Variants in PIK3CA observed in about 807,000 individuals in gnomAD.
PIK3CA encodes the protein phosphatidylinositol 4,5-bisphosphate 3-kinase catalytic subunit alpha isoform.
PIK3CA carries 27 observed loss-of-function variants against 138.2 expected under a neutral mutation model. The observed-to-expected ratio is 0.20, with a 90% CI of 0.14 to 0.27. The LOEUF (loss-of-function observed/expected upper bound fraction) is 0.27, where lower values mean the gene tolerates loss of function less well. PIK3CA is among the 10% of genes least tolerant of loss of function. The pLI, the probability that PIK3CA is intolerant of heterozygous loss-of-function variation, is 1.00. For missense variants in PIK3CA, 544 were observed against 1,277.4 expected (o/e 0.43, Z 8.75); for synonymous variants, 358 against 413.2 (o/e 0.87, Z 1.62).
intron 1 of PIK3CA, among the ~76,000 whole-genome samples, chr3:179,175,506 A>C (rs1038558170): frequency 3.3e-5 from 5 of 152,002 alleles, no homozygotes; most frequent in African/African-American, 1.2e-4. Flanking sequence ...TTGCAGACTT[A>C]CATTCTTCTC....
At chr3:179,208,055 A>C (rs1724615114) in intron 6 of PIK3CA, among the ~76,000 whole-genome samples, 1 of 152,030 alleles carries the variant, frequency 6.6e-6, no homozygotes, top group South Asian at 2.1e-4. Context: ...GCAATACCCT[A>C]TCTCTAAAAA....
At chr3:179,212,392 C>A (rs185571225) in intron 9 of PIK3CA, among the ~76,000 whole-genome samples, 6 of 148,158 alleles carry the variant, frequency 4.0e-5, no homozygotes, top group Non-Finnish European at 6.0e-5. Flanking sequence ...GGGTGGATCA[C>A]GAGGTCAGGA....
At chr3:179,218,585 C>T (rs1576942569) in intron 10 of PIK3CA, among the ~76,000 whole-genome samples, 1 of 151,926 alleles carries the variant, frequency 6.6e-6, no homozygotes, top group East Asian at 1.9e-4. Context: ...ATATGACTTT[C>T]TTTAGGATTG....
At position 179,201,668 on chromosome 3, in the gene PIK3CA, C is replaced by T. The variant is rs578071467; in HGVS notation, c.813+128C>T. On this transcript the variant is annotated intron_variant, in intron 4 of 20. Coordinates refer to ENST00000263967, the MANE Select transcript of PIK3CA (RefSeq NM_006218.4). ...TCGCCCAGGCTGGAGTGCAGTGGCG[C>T]GATCTCGGCTCACTGCAGGCTCTGC... 13 of 604,150 alleles carry T rather than the reference C, an allele frequency of 2.2e-5. No individual in the cohort carries two copies. The South Asian group carries it at 2.2e-4, about 10-fold the overall frequency. The allele number at this position is 604,150 out of a possible 1,614,324, so 37.4% of individuals were successfully genotyped here.
chr3:179,190,440 G>A (rs1724103763), intron 1 of PIK3CA, among the ~76,000 whole-genome samples: 2 of 151,738 alleles, frequency 1.3e-5, no homozygotes. Context: ...ATAAAAGGCT[G>A]TGGTAACATT....
At chr3:179,151,407 C>T (rs1723010663) in intron 1 of PIK3CA, among the ~76,000 whole-genome samples, 1 of 152,182 alleles carries the variant, frequency 6.6e-6, no homozygotes, top group Non-Finnish European at 1.5e-5. Context: ...TGAAGATCTC[C>T]ATTTCCTATA....
At chr3:179,177,352 G>A (rs186085997) in intron 1 of PIK3CA, among the ~76,000 whole-genome samples, 8 of 132,482 alleles carry the variant, frequency 6.0e-5, no homozygotes, top group Admixed American at 1.8e-4. Flanking sequence ...TCACTCTGTC[G>A]CCCAGGCTGG....
At chr3:179,203,859 A>T in intron 5 of PIK3CA, 70 bp downstream of exon 5, 4 of 1,085,006 alleles carry the variant, frequency 3.7e-6, no homozygotes, top group Non-Finnish European at 5.3e-6. Flanking sequence ...TGCACTATAC[A>T]GTAATCTGTT....
Position 179,167,580 on chromosome 3 carries a change from A to G in PIK3CA, c.-77+18977A>G, listed in dbSNP as rs142471387. On this transcript the variant is annotated intron_variant, in intron 1 of 20. Coordinates refer to ENST00000263967, the MANE Select transcript of PIK3CA (RefSeq NM_006218.4). ...AACATTTGCATTCTGTTCTATAACC[A>G]TATTTAAATCCTCTTTCTTTTTAAC... Among the ~76,000 whole-genome samples, 18 of 152,246 alleles carry G rather than the reference A, an allele frequency of 1.2e-4. No individual in the cohort carries two copies. In the East Asian group the frequency reaches 2.5e-3, roughly 21 times the overall value.
chr3:179,203,812 A>T, intron 5 of PIK3CA, 23 bp downstream of exon 5: 1 of 1,531,050 alleles, frequency 6.5e-7, no homozygotes. Context: ...GCTGATGCTT[A>T]TTATTTTATA....
chr3:179,202,752 T>G (rs79942997), intron 4 of PIK3CA, among the ~76,000 whole-genome samples: 1 of 152,156 alleles, frequency 6.6e-6, no homozygotes, highest in Non-Finnish European at 1.5e-5. Flanking sequence ...CTATTTGTGG[T>G]TTTTTGTTTT....
chr3:179,214,960 C>T (rs1724804409), intron 9 of PIK3CA, among the ~76,000 whole-genome samples: 1 of 152,160 alleles, frequency 6.6e-6, no homozygotes, highest in Non-Finnish European at 1.5e-5. Context: ...TTCTCAAGGG[C>T]AAAGATGTCA....
intron 1 of PIK3CA, among the ~76,000 whole-genome samples, chr3:179,166,903 T>C (rs1351782587): frequency 4.6e-5 from 7 of 152,166 alleles, no homozygotes; most frequent in South Asian, 2.1e-4. Context: ...CAATGAAATA[T>C]TTAGTAGCAA....
chr3:179,194,512 C>T (rs183036912), intron 1 of PIK3CA, among the ~76,000 whole-genome samples: 3 of 152,170 alleles, frequency 2.0e-5, no homozygotes, highest in Non-Finnish European at 4.4e-5. Flanking sequence ...AGCCACAACC[C>T]CCAGCCCAGA....
chr3:179,219,954 A>G lies in PIK3CA; in HGVS notation c.1917A>G (p.Leu639=), dbSNP rs1246750740. The G allele has an allele frequency of 4.4e-6, 7 of 1,606,448 alleles. No individual in the cohort carries two copies. The highest frequency in any genetic ancestry group is 5.9e-6 in the Non-Finnish European group (7 of 1,177,406). ...GTTTTTTTGGAATCACCTAGGTCCT[A>G]AAATATGAACAATATTTGGATAACT... The part of the protein sequence containing the change: ...SQYLIQLVQV[L]KYEQYLDNLL... The change falls in exon 13 of 21, where the codon CTA becomes CTG. Residue 639 remains leucine (L), a synonymous_variant. Coordinates refer to ENST00000263967, the MANE Select transcript of PIK3CA (RefSeq NM_006218.4). This position sits in a 1 kb window ranked among gnomAD's most constrained non-coding sequence, Gnocchi z 4.2.
intron 17 of PIK3CA, among the ~76,000 whole-genome samples, chr3:179,227,883 A>C (rs1342769692): frequency 6.6e-6 from 1 of 152,090 alleles, no homozygotes; most frequent in Non-Finnish European, 1.5e-5. Flanking sequence ...AGGTACCCTA[A>C]AAAGCATTTG....
intron 9 of PIK3CA, 85 bp downstream of exon 9, chr3:179,210,650 T>C (rs1412426765): frequency 7.7e-7 from 1 of 1,304,508 alleles, no homozygotes; most frequent in African/African-American, 1.5e-5. Flanking sequence ...AGGATCCATA[T>C]ATTTTACTGG....
intron 4 of PIK3CA, among the ~76,000 whole-genome samples, chr3:179,202,352 G>A (rs902333318): frequency 6.6e-6 from 1 of 152,212 alleles, no homozygotes; most frequent in Non-Finnish European, 1.5e-5. Context: ...TTACAGGCGT[G>A]AGCCATTGCG....
At chr3:179,206,265 C>T (rs904235965) in intron 6 of PIK3CA, among the ~76,000 whole-genome samples, 12 of 151,898 alleles carry the variant, frequency 7.9e-5, no homozygotes, top group Admixed American at 3.9e-4. Flanking sequence ...ACCATGTTGG[C>T]CAGGCTGGTC....
Sources: allele counts gnomAD v4.1 joint callset (sites outside exome capture counted in the v4.1 genomes callset), GRCh38; gene constraint gnomAD v4.1.1; non-coding constraint Gnocchi (gnomAD v3.1); transcripts MANE v1.5; gene names NCBI Gene and HGNC (gene_info 2026-07-23, HGNC 2026-07-21).